The following FYN variants were observed in gnomAD, a reference collection of about 807,000 sequenced individuals.
The protein encoded by FYN is FYN proto-oncogene, Src family tyrosine kinase.
A neutral mutation model predicts 70.2 loss-of-function variants in FYN; 10 were observed. The ratio of observed to expected loss-of-function variants is 0.14; its 90% CI spans 0.09 to 0.24. FYN has a LOEUF of 0.24. Among genes scored for constraint, FYN ranks in the 10% least tolerant of loss-of-function variants. The pLI is 1.00. For synonymous variants in FYN, 236 were observed against 248.6 expected (o/e 0.95, Z 0.48); for missense variants, 319 against 673.1 (o/e 0.47, Z 5.82).
At chr6:111,662,018 C>G in intron 13 of FYN, 71 bp from the exon 14 acceptor site, 1 of 1,295,708 alleles carries the variant, frequency 7.7e-7, no homozygotes, top group Non-Finnish European at 1.1e-6. Context: ...TTGCAGATCC[C>G]CTTTCTTCTT....
At chr6:111,699,390 T>C in intron 9 of FYN, 3 of 1,005,182 alleles carry the variant, frequency 3.0e-6, no homozygotes, top group Non-Finnish European at 4.4e-6. Context: ...CTGGATGGCC[T>C]GTGCCCGTCT....
At chr6:111,805,328 T>C (rs1286450618) in intron 2 of FYN, among the ~76,000 whole-genome samples, 1 of 152,206 alleles carries the variant, frequency 6.6e-6, no homozygotes, top group Non-Finnish European at 1.5e-5. Flanking sequence ...ATACAATTCA[T>C]GATGTCTGGA....
intron 2 of FYN, among the ~76,000 whole-genome samples, chr6:111,786,634 C>T (rs913389529): frequency 8.5e-5 from 13 of 152,206 alleles, no homozygotes; most frequent in South Asian, 4.1e-4. Flanking sequence ...CTTGAGGAAT[C>T]GCCACACTGT....
chr6:111,747,293 A>G (rs563392313), intron 3 of FYN, among the ~76,000 whole-genome samples: 111 of 152,344 alleles, frequency 7.3e-4, no homozygotes, highest in African/African-American at 2.6e-3. Context: ...AATACCTGGA[A>G]GCTTCAAGGA....
At chr6:111,743,257 G>A (rs1240739110) in intron 3 of FYN, among the ~76,000 whole-genome samples, 1 of 152,108 alleles carries the variant, frequency 6.6e-6, no homozygotes, top group Non-Finnish European at 1.5e-5. Flanking sequence ...GAGCCACCGC[G>A]CCTGGCCAAG....
intron 3 of FYN, among the ~76,000 whole-genome samples, chr6:111,746,917 T>C (rs574615345): frequency 6.6e-6 from 1 of 152,238 alleles, no homozygotes; most frequent in South Asian, 2.1e-4. Context: ...GTCTTAGTGC[T>C]ATATATTTGG....
At chr6:111,755,252 G>A (rs184468197) in intron 3 of FYN, among the ~76,000 whole-genome samples, 1,718 of 152,176 alleles carry the variant, frequency 0.011, 23 homozygotes, top group African/African-American at 0.037. Context: ...AATGCCTTGA[G>A]ACAAGGGCTT....
chr6:111,681,850 G>C (rs1798795492), intron 12 of FYN, among the ~76,000 whole-genome samples: 1 of 152,178 alleles, frequency 6.6e-6, no homozygotes, highest in Middle Eastern at 3.2e-3. Context: ...GGAACACCGA[G>C]AGGAAAGCAA....
chr6:111,846,269 C>T lies in FYN; in HGVS notation c.-82+320G>A, dbSNP rs1232961006. ...TCCCCATTCCTCCCCAGCCTGAAGG[C>T]TCCTCAGCCATGGGACAGCTGTTCC... On this transcript the variant is annotated intron_variant, in intron 2 of 13. Transcript: ENST00000354650. Among the ~76,000 whole-genome samples, 4 of 152,100 alleles carry T rather than the reference C, an allele frequency of 2.6e-5. No individual in the cohort carries two copies. The East Asian group carries it at 7.7e-4, about 29-fold the overall frequency.
chr6:111,791,680 C>T (rs1771627401), intron 2 of FYN, among the ~76,000 whole-genome samples: 1 of 152,162 alleles, frequency 6.6e-6, no homozygotes, highest in African/African-American at 2.4e-5. Flanking sequence ...GGACTCTTCC[C>T]TAGAGCCTTC....
chr6:111,787,767 A>G (rs369028466), intron 2 of FYN, among the ~76,000 whole-genome samples: 80 of 152,030 alleles, frequency 5.3e-4, no homozygotes, highest in African/African-American at 1.9e-3. Flanking sequence ...GAGAGGAGCT[A>G]CTCTCTCCTC....
intron 3 of FYN, among the ~76,000 whole-genome samples, chr6:111,723,667 G>A (rs1323929551): frequency 6.6e-6 from 1 of 152,250 alleles, no homozygotes; most frequent in African/African-American, 2.4e-5. Flanking sequence ...GTCAGAAGAC[G>A]CTACATGAGC....
At chr6:111,674,296 C>G (rs1334975567) in intron 13 of FYN, among the ~76,000 whole-genome samples, 1 of 152,222 alleles carries the variant, frequency 6.6e-6, no homozygotes, top group Non-Finnish European at 1.5e-5. Flanking sequence ...TCCTGGCACA[C>G]AGTTCATGGT....
chr6:111,852,296 C>T (rs111993385), intron 1 of FYN, among the ~76,000 whole-genome samples: 29 of 152,268 alleles, frequency 1.9e-4, no homozygotes, highest in African/African-American at 6.5e-4. Flanking sequence ...ATGCAGTTAG[C>T]TTCTAAATAA....
intron 12 of FYN, among the ~76,000 whole-genome samples, chr6:111,692,830 C>T (rs1039221810): frequency 6.6e-6 from 1 of 152,228 alleles, no homozygotes; most frequent in African/African-American, 2.4e-5. Context: ...TCCACTGGCA[C>T]TCAGGTCCTC....
chr6:111,689,617 T>C lies in FYN; in HGVS notation c.1273+4758A>G, dbSNP rs372796612. ...ACTACTCAGCCATGAAAAGAACTAC[T>C]GTTCCATGCAGCAATATGGAAGAAT... On this transcript the variant is annotated intron_variant, in intron 12 of 13. Coordinates refer to ENST00000354650, the MANE Select transcript of FYN (RefSeq NM_002037.5). Among the ~76,000 whole-genome samples the C allele has an allele frequency of 1.5e-3, 229 of 152,296 alleles. 6 individuals carry two copies. The South Asian group carries it at 0.046, about 30-fold the overall frequency.
At chr6:111,839,844 G>A in intron 2 of FYN, among the ~76,000 whole-genome samples, 1 of 152,148 alleles carries the variant, frequency 6.6e-6, no homozygotes, top group Admixed American at 6.5e-5. Flanking sequence ...AGCGGAAGGT[G>A]TGGGCTAGTG....
At position 111,867,417 on chromosome 6, in the gene FYN, T is replaced by C. The variant is rs375041458; in HGVS notation, c.-123+5551A>G. Among the ~76,000 whole-genome samples the C allele has an allele frequency of 2.2e-3, 297 of 135,238 alleles. 3 individuals are homozygous for C. The highest frequency in any genetic ancestry group is 8.6e-3 in the African/African-American group (288 of 33,600). 88.7% of individuals were successfully genotyped at this position (135,238 alleles called of 152,430 possible). Reference sequence around the variant, plus strand: ...TTGCAGTGAGCTGAGATCACGCCATTGCACTCTAGCCTGGGCAACAAGAGC... The same window carrying C: ...TTGCAGTGAGCTGAGATCACGCCATCGCACTCTAGCCTGGGCAACAAGAGC... On this transcript the variant is annotated intron_variant, in intron 1 of 13. Transcript: ENST00000354650.
chr6:111,764,348 G>A (rs1369813209), intron 3 of FYN, among the ~76,000 whole-genome samples: 4 of 152,050 alleles, frequency 2.6e-5, no homozygotes, highest in Non-Finnish European at 1.5e-5. Flanking sequence ...TGCAGGGTTG[G>A]GGGCCCCACA....
Sources: gnomAD v4.1 joint callset for allele counts (sites outside exome capture counted in the v4.1 genomes callset) on GRCh38, gnomAD v4.1.1 for gene constraint, MANE v1.5 for transcripts, NCBI Gene and HGNC (gene_info 2026-07-23, HGNC 2026-07-21) for gene names.